TFAP2D: variants seen among roughly 807,000 people sequenced by gnomAD.
TFAP2D encodes the protein transcription factor AP-2 delta, also known as transcription factor AP-2-delta.
Under a neutral mutation model 43.6 loss-of-function variants are expected in TFAP2D, and 9 were observed. The observed-to-expected ratio is 0.21, with a 90% confidence interval of 0.12 to 0.36. The LOEUF is 0.36. Among genes scored for constraint, TFAP2D ranks in the 10% least tolerant of loss-of-function variants. TFAP2D has a pLI of 1.00. For synonymous variants in TFAP2D, 256 were observed against 224.9 expected (o/e 1.14, Z -1.24); for missense variants, 513 against 561.4 (o/e 0.91, Z 0.87).
chr6:50,751,618 A>C (rs942700303), intron 7 of TFAP2D, among the ~76,000 whole-genome samples: 1 of 151,892 alleles, frequency 6.6e-6, no homozygotes, highest in East Asian at 1.9e-4. Context: ...CACATGATGA[A>C]AGGGCCAAAC....
At chr6:50,747,319 A>G (rs2113884002) in intron 6 of TFAP2D, among the ~76,000 whole-genome samples, 1 of 152,282 alleles carries the variant, frequency 6.6e-6, no homozygotes, top group South Asian at 2.1e-4. Flanking sequence ...AGAGAATTAT[A>G]CAGTACTAGA....
chr6:50,734,453 C>A (rs1768935414), intron 5 of TFAP2D, among the ~76,000 whole-genome samples: 1 of 152,072 alleles, frequency 6.6e-6, no homozygotes, highest in South Asian at 2.1e-4. Flanking sequence ...GCTAATTTCT[C>A]ACTCATCGCA....
At chr6:50,766,856 G>T (rs1769452069) in intron 7 of TFAP2D, among the ~76,000 whole-genome samples, 1 of 151,462 alleles carries the variant, frequency 6.6e-6, no homozygotes, top group African/African-American at 2.4e-5. Context: ...TTTTAGTAGA[G>T]ATGGGGTTTC....
chr6:50,768,201 G>C (rs1318000121), intron 7 of TFAP2D, among the ~76,000 whole-genome samples: 1 of 149,986 alleles, frequency 6.7e-6, no homozygotes, highest in African/African-American at 2.5e-5. Flanking sequence ...TACCTTGCAG[G>C]TGACCTTAGT....
intron 3 of TFAP2D, among the ~76,000 whole-genome samples, chr6:50,726,267 A>G (rs1768806140): frequency 6.6e-6 from 1 of 152,208 alleles, no homozygotes; most frequent in Non-Finnish European, 1.5e-5. Flanking sequence ...TAAAAATGAT[A>G]ATCATCTACA....
At chr6:50,716,459 AAAGG>A (rs34745498) in intron 2 of TFAP2D, among the ~76,000 whole-genome samples, 2 of 151,092 alleles carry the variant, frequency 1.3e-5, no homozygotes, top group Non-Finnish European at 3.0e-5. Context: ...AGGAAGGAGA[AAAGG>A]AAGGAAGGAA....
intron 7 of TFAP2D, among the ~76,000 whole-genome samples, chr6:50,759,500 ATG>A (rs1259467666): frequency 1.3e-5 from 2 of 151,992 alleles, no homozygotes; most frequent in Non-Finnish European, 1.5e-5. Context: ...TCTGCTTTTT[ATG>A]TTTTCTCAAC....
chr6:50,727,413 T>G (rs1006696152), intron 3 of TFAP2D, among the ~76,000 whole-genome samples: 1 of 152,178 alleles, frequency 6.6e-6, no homozygotes, highest in African/African-American at 2.4e-5. Flanking sequence ...ACCACCGGTA[T>G]AATATTCCAT....
chr6:50,770,165 T>A (rs115365594), intron 7 of TFAP2D, among the ~76,000 whole-genome samples: 1,577 of 152,314 alleles, frequency 0.01, 25 homozygotes, highest in African/African-American at 0.036. Flanking sequence ...GATTAATTCT[T>A]CCACCACTCC....
At chr6:50,771,541 T>C (rs1451384347) in intron 7 of TFAP2D, among the ~76,000 whole-genome samples, 1 of 152,234 alleles carries the variant, frequency 6.6e-6, no homozygotes, top group Non-Finnish European at 1.5e-5. Flanking sequence ...GTGTAGTCTA[T>C]GCCATATATG....
At chr6:50,757,598 T>C (rs906734143) in intron 7 of TFAP2D, among the ~76,000 whole-genome samples, 1 of 71,994 alleles carries the variant, frequency 1.4e-5, no homozygotes, top group Non-Finnish European at 2.4e-5. Context: ...TCTATATATA[T>C]AGAATATATA....
chr6:50,757,720 A>T (rs1769302590), intron 7 of TFAP2D, among the ~76,000 whole-genome samples: 1 of 90,980 alleles, frequency 1.1e-5, no homozygotes, highest in African/African-American at 4.6e-5. Context: ...TAGAATATAT[A>T]TAATTATTCT....
chr6:50,755,825 T>A (rs1769256336), intron 7 of TFAP2D, among the ~76,000 whole-genome samples: 2 of 152,038 alleles, frequency 1.3e-5, no homozygotes, highest in Non-Finnish European at 2.9e-5. Flanking sequence ...TCTACATTGA[T>A]GATTCTACTA....
chr6:50,734,613 T>G (rs1225795494), intron 5 of TFAP2D, among the ~76,000 whole-genome samples: 1 of 152,100 alleles, frequency 6.6e-6, no homozygotes, highest in African/African-American at 2.4e-5. Flanking sequence ...AAAGGCATAA[T>G]GGTGGAAGTA....
chr6:50,730,060 G>A (rs904001575), intron 5 of TFAP2D, among the ~76,000 whole-genome samples: 8 of 152,000 alleles, frequency 5.3e-5, no homozygotes, highest in African/African-American at 1.9e-4. Flanking sequence ...TTTTCATCAT[G>A]TGGAATGCTA....
intron 5 of TFAP2D, among the ~76,000 whole-genome samples, chr6:50,742,571 CACATAGATAGATAGAT>C (rs1352432022): frequency 7.9e-6 from 1 of 126,772 alleles, no homozygotes; most frequent in East Asian, 2.4e-4. Context: ...TAGACAGACA[CACATAGATAGATAGAT>C]AGATAGATAG....
chr6:50,734,951 G>C lies in TFAP2D; in HGVS notation c.883+5639G>C, dbSNP rs533728455. On this transcript the variant is annotated intron_variant, in intron 5 of 7. Transcript: ENST00000008391. ...TAAAAATTAGTACATGTATCCTAAT[G>C]TGTGGTTTCTGGAGTCAAACTTGTC... is the stretch of plus-strand genomic sequence containing the variant. Among the ~76,000 whole-genome samples the C allele has an allele frequency of 3.3e-5, 5 of 152,188 alleles. No homozygotes were observed. The South Asian group carries it at 6.2e-4, about 19-fold the overall frequency.
At chr6:50,726,725 A>G (rs1029302301) in intron 3 of TFAP2D, among the ~76,000 whole-genome samples, 10 of 152,314 alleles carry the variant, frequency 6.6e-5, no homozygotes, top group African/African-American at 2.4e-4. Flanking sequence ...CTAAAATTTT[A>G]AGAAGTCATT....
At chr6:50,717,644 T>C (rs1768648234) in intron 2 of TFAP2D, among the ~76,000 whole-genome samples, 1 of 152,246 alleles carries the variant, frequency 6.6e-6, no homozygotes, top group Non-Finnish European at 1.5e-5. Flanking sequence ...TATACGTTTA[T>C]ACCTTTACAT....
Sources: gnomAD v4.1 joint callset for allele counts (sites outside exome capture counted in the v4.1 genomes callset) on GRCh38, gnomAD v4.1.1 for gene constraint, MANE v1.5 for transcripts, NCBI Gene and HGNC (gene_info 2026-07-23, HGNC 2026-07-21) for gene names.